The following DIPK1A variants were observed in gnomAD, a reference collection of about 807,000 sequenced individuals.
DIPK1A encodes the protein divergent protein kinase domain 1A.
Under a neutral mutation model 40.8 loss-of-function variants are expected in DIPK1A, and 27 were observed. The ratio of observed to expected loss-of-function variants is 0.66; its 90% CI spans 0.49 to 0.91. DIPK1A has a LOEUF of 0.91. DIPK1A is among the 40% of genes least tolerant of loss of function. The probability of loss-of-function intolerance (pLI) is 0.00; values close to 1 mark genes in which losing one functional copy is unlikely to be tolerated. For missense variants in DIPK1A, 412 were observed against 505.7 expected, an observed-to-expected ratio of 0.81 and a Z score of 1.78; for synonymous variants, 166 against 171.3, an observed-to-expected ratio of 0.97 and a Z score of 0.24.
chr1:92,916,538 G>C (rs1650062162), intron 1 of DIPK1A, among the ~76,000 whole-genome samples: 1 of 152,040 alleles, frequency 6.6e-6, no homozygotes, highest in Non-Finnish European at 1.5e-5. Context: ...CTGACCTCAG[G>C]TGATCCACCT....
In DIPK1A at chr1:92,892,436, G is replaced by A. The variant is rs191332911; in HGVS notation, c.55-16006C>T. 3.2e-3 allele frequency among the ~76,000 whole-genome samples: 492 copies of A among 152,138 alleles called. 3 individuals carry two copies. The highest frequency in any genetic ancestry group is 3.3e-3 in the Non-Finnish European group (227 of 68,016). On this transcript the variant is annotated intron_variant, in intron 1 of 4. Transcript: ENST00000370310. ...CAAACTCCAACAGAACTGCAGCTGA[G>A]GGTCCTAACTGTTAGAAGGAAAACT... is the stretch of plus-strand genomic sequence containing the variant.
chr1:92,867,684 T>TTTAC (rs1389623002), intron 2 of DIPK1A, among the ~76,000 whole-genome samples: 4 of 152,164 alleles, frequency 2.6e-5, no homozygotes, highest in Non-Finnish European at 5.9e-5. Flanking sequence ...TTTTGTATTT[T>TTTAC]TAGTAGAGAT....
intron 1 of DIPK1A, among the ~76,000 whole-genome samples, chr1:92,906,360 C>T (rs184066216): frequency 1.7e-4 from 26 of 152,164 alleles, no homozygotes; most frequent in African/African-American, 6.3e-4. Context: ...TTGTTAAGGG[C>T]TAGAAGAGGC....
downstream of DIPK1A, chr1:92,837,711 C>CA (rs1221920253): frequency 2.6e-6 from 3 of 1,174,012 alleles, no homozygotes; most frequent in African/African-American, 4.6e-5. Context: ...GGGCAGGTAA[C>CA]ATTCTTATAT....
chr1:92,891,469 G>T (rs1390503671), intron 1 of DIPK1A, among the ~76,000 whole-genome samples: 1 of 151,898 alleles, frequency 6.6e-6, no homozygotes, highest in African/African-American at 2.4e-5. Context: ...GTATCCCACA[G>T]GTTTTGTTAT....
At chr1:92,938,260 G>A (rs555475974) in intron 1 of DIPK1A, among the ~76,000 whole-genome samples, 1 of 152,158 alleles carries the variant, frequency 6.6e-6, no homozygotes, top group East Asian at 1.9e-4. Context: ...GCCAGGCATG[G>A]TGGTGCACAC....
intron 2 of DIPK1A, among the ~76,000 whole-genome samples, chr1:92,868,593 A>G (rs1223025682): frequency 1.3e-5 from 2 of 152,134 alleles, no homozygotes; most frequent in Non-Finnish European, 2.9e-5. Flanking sequence ...TTGCTATTAC[A>G]TATGTTTTCA....
chr1:92,881,326 CAAAAA>C (rs3042466), intron 1 of DIPK1A, among the ~76,000 whole-genome samples: 18 of 112,780 alleles, frequency 1.6e-4, no homozygotes, highest in Non-Finnish European at 1.6e-4. Context: ...GACTCTGTCT[CAAAAA>C]AAAAAAAAAA....
intron 1 of DIPK1A, among the ~76,000 whole-genome samples, chr1:92,948,661 ACATATGTG>A (rs1651473779): frequency 6.8e-6 from 1 of 146,474 alleles, no homozygotes; most frequent in East Asian, 2.0e-4. Flanking sequence ...ACGTATATAT[ACATATGTG>A]TATATATACA....
chr1:92,834,989 T>C, intron 4 of DIPK1A: 6 of 1,586,424 alleles, frequency 3.8e-6, no homozygotes, highest in Non-Finnish European at 4.3e-6. Context: ...TGTTTGTACA[T>C]GGATAAGATA....
chr1:92,948,779 A>G (rs199778818), intron 1 of DIPK1A, among the ~76,000 whole-genome samples: 114 of 143,136 alleles, frequency 8.0e-4, no homozygotes, highest in African/African-American at 2.4e-3. Flanking sequence ...GTGTGTGTGT[A>G]TATATATATA....
intron 4 of DIPK1A, among the ~76,000 whole-genome samples, chr1:92,835,660 C>CAAAA (rs11417383): frequency 3.2e-5 from 4 of 123,398 alleles, no homozygotes; most frequent in Admixed American, 8.7e-5. Flanking sequence ...AACTGTGTCT[C>CAAAA]AAAAAAAAAA....
At chr1:92,893,975 C>T (rs78854065) in intron 1 of DIPK1A, among the ~76,000 whole-genome samples, 1 of 151,966 alleles carries the variant, frequency 6.6e-6, no homozygotes, top group Non-Finnish European at 1.5e-5. Flanking sequence ...TATATGCACC[C>T]AATACAGGAG....
intron 2 of DIPK1A, among the ~76,000 whole-genome samples, chr1:92,867,419 A>G (rs984624201): frequency 3.3e-5 from 5 of 152,074 alleles, no homozygotes; most frequent in Non-Finnish European, 5.9e-5. Flanking sequence ...ACAAATGGAG[A>G]GAGAGAGAAA....
chr1:92,836,136 T>C lies in DIPK1A; in HGVS notation c.475-3102A>G, dbSNP rs149953913. ...ACGGTTATGACATAAGCTATTTTAA[T>C]TTTAGAGCAGTTTGAATAATTGAAA... On this transcript the variant is annotated intron_variant, in intron 4 of 4. Transcript: ENST00000615519. 5,167 of 1,524,064 alleles carry C rather than the reference T, an allele frequency of 3.4e-3. 35 individuals carry two copies. The highest frequency in any genetic ancestry group is 0.017 in the Middle Eastern group (73 of 4,258). 94.4% of individuals were successfully genotyped at this position (1,524,064 alleles called of 1,614,324 possible). A position where few individuals can be genotyped will look rare whatever the true frequency, so the allele number is the denominator to read the frequency against.
intron 4 of DIPK1A, chr1:92,834,010 ATTGT>A (rs763835810): frequency 1.6e-5 from 5 of 317,688 alleles, no homozygotes; most frequent in Non-Finnish European, 3.0e-5. Flanking sequence ...CAGTGGGAGG[ATTGT>A]TTGAGCCCCG....
chr1:92,944,743 C>T (rs1651297515), intron 1 of DIPK1A, among the ~76,000 whole-genome samples: 1 of 152,152 alleles, frequency 6.6e-6, no homozygotes, highest in Non-Finnish European at 1.5e-5. Context: ...CGGGATTCTT[C>T]CACCTTAGCC....
chr1:92,836,042 TG>T, intron 4 of DIPK1A: 1 of 706,096 alleles, frequency 1.4e-6, no homozygotes, highest in East Asian at 2.5e-5. Flanking sequence ...TAAAAATTCA[TG>T]AGCAAGTGGA....
At chr1:92,856,297 C>T (rs1687984494) in intron 2 of DIPK1A, among the ~76,000 whole-genome samples, 1 of 151,608 alleles carries the variant, frequency 6.6e-6, no homozygotes, top group Non-Finnish European at 1.5e-5. Context: ...CATACAGGAA[C>T]AAACAAAAAA....
Sources: gnomAD v4.1 joint callset for allele counts (sites outside exome capture counted in the v4.1 genomes callset) on GRCh38, gnomAD v4.1.1 for gene constraint, MANE v1.5 for transcripts, NCBI Gene and HGNC (gene_info 2026-07-23, HGNC 2026-07-21) for gene names.